TAF5: variants seen among roughly 807,000 people sequenced by gnomAD.
TAF5 encodes the protein transcription initiation factor TFIID subunit 5.
In TAF5, 20 loss-of-function variants were observed where a neutral mutation model predicts 80.9. The observed-to-expected ratio is 0.25, with a 90% CI of 0.17 to 0.36. The LOEUF is 0.36. Ranked by LOEUF, TAF5 falls within the 10% of genes least tolerant of loss-of-function variation. The pLI is 1.00. For missense variants in TAF5, 863 were observed against 1,029.4 expected (o/e 0.84, Z 2.21); for synonymous variants, 388 against 406.4 (o/e 0.95, Z 0.55).
At chr10:103,385,080 T>C (rs1017809122) in intron 7 of TAF5, among the ~76,000 whole-genome samples, 1 of 152,226 alleles carries the variant, frequency 6.6e-6, no homozygotes, top group Non-Finnish European at 1.5e-5. Flanking sequence ...TTTTGTATCA[T>C]ATTACCTCAT....
At chr10:103,371,813 C>T (rs1027827498) in intron 1 of TAF5, among the ~76,000 whole-genome samples, 13 of 152,056 alleles carry the variant, frequency 8.5e-5, no homozygotes, top group Non-Finnish European at 1.6e-4. Context: ...ATGGCTTGGT[C>T]GTGGTGGGTG....
intron 10 of TAF5, 66 bp downstream of exon 10, chr10:103,387,764 A>T (rs2093400692): frequency 6.8e-7 from 1 of 1,473,436 alleles, no homozygotes; most frequent in Non-Finnish European, 9.2e-7. Flanking sequence ...GACGACTGCA[A>T]TACTAAGTCC....
Position 103,367,978 on chromosome 10 carries a change from C to G in TAF5, c.-12C>G, listed in dbSNP as rs2093348671. On this transcript the variant is annotated 5_prime_UTR_variant, in exon 1 of 11. Transcript: ENST00000369839. The stretch of plus-strand genomic sequence containing the variant: ...AATCACGCTTGACGGCGCGAGGTGG[C>G]TCAGCCGCAAGATGGCGGCGCTGGC... 7 of 1,453,748 alleles carry G rather than the reference C, an allele frequency of 4.8e-6. No individual in the cohort carries two copies. Among genetic ancestry groups the G allele is most frequent in the Non-Finnish European group, 5.4e-6 (6 of 1,110,766 alleles). The allele number at this position is 1,453,748 out of a possible 1,614,324, so 90.1% of individuals were successfully genotyped here.
rs758002426 is a variant in TAF5, at chr10:103,370,325, C to CTT, written c.559+1796_559+1797dup. ...CTCTATTAAATGAGTGGTTATGAGG[C>CTT]TTTTTTTTTTTTTTTTTTTTGACTG... On this transcript the variant is annotated intron_variant, in intron 1 of 10. Transcript: ENST00000369839. Among the ~76,000 whole-genome samples the CTT allele has an allele frequency of 1.4e-3, 128 of 88,926 alleles. 5 individuals are homozygous for CTT. Among genetic ancestry groups the CTT allele is most frequent in the Non-Finnish European group, 1.6e-3 (74 of 45,526 alleles). The allele number at this position is 88,926 out of a possible 152,430, so 58.3% of individuals were successfully genotyped here.
intron 1 of TAF5, among the ~76,000 whole-genome samples, chr10:103,370,157 G>A (rs1176179661): frequency 6.6e-6 from 1 of 151,122 alleles, no homozygotes; most frequent in East Asian, 2.0e-4. Context: ...ACTTGACCCC[G>A]GGAGGCTGAG....
At position 103,388,623 on chromosome 10, in the gene TAF5, G is replaced by A. The variant is rs1022270671; in HGVS notation, c.*400G>A. ...GCTGAAGAATCCTATGAGCATGTAT[G>A]TTTCTGCTGTAAAAACGTAGTTACT... On this transcript the variant is annotated 3_prime_UTR_variant, in exon 11 of 11. Coordinates refer to ENST00000369839, the MANE Select transcript of TAF5 (RefSeq NM_006951.5). The A allele has an allele frequency of 6.2e-6, 1 of 161,836 alleles. No individual in the cohort carries two copies. The highest frequency in any genetic ancestry group is 2.4e-5 in the African/African-American group (1 of 41,514). The allele number at this position is 161,836 out of a possible 1,614,324, so 10.0% of individuals were successfully genotyped here.
intron 1 of TAF5, among the ~76,000 whole-genome samples, chr10:103,372,234 T>C (rs1004662953): frequency 3.3e-5 from 5 of 151,206 alleles, no homozygotes. Flanking sequence ...CGTGTTGGCC[T>C]GTTATTGTTA....
In TAF5 at chr10:103,388,338, T is replaced by A; in HGVS notation, c.*115T>A. On this transcript the variant is annotated 3_prime_UTR_variant, in exon 11 of 11. Transcript: ENST00000369839. ...GAGAATGTTTTTGTCTATATGGATC[T>A]GGAAGTATGCTGCTTGGAAAAATCT... 1 of 913,432 alleles carries A rather than the reference T, an allele frequency of 1.1e-6. No homozygotes were observed. The highest frequency in any genetic ancestry group is 1.7e-5 in the African/African-American group (1 of 59,606). 56.6% of individuals were successfully genotyped at this position (913,432 alleles called of 1,614,324 possible).
intron 3 of TAF5, among the ~76,000 whole-genome samples, chr10:103,379,250 C>T (rs907918064): frequency 6.6e-6 from 1 of 152,134 alleles, no homozygotes; most frequent in Non-Finnish European, 1.5e-5. Flanking sequence ...ATTGCAGCTC[C>T]GTTCCAAGAA....
At chr10:103,380,191 C>T (rs1320293474) in intron 5 of TAF5, among the ~76,000 whole-genome samples, 172 bp downstream of exon 5, 2 of 151,628 alleles carry the variant, frequency 1.3e-5, no homozygotes, top group East Asian at 3.9e-4. Flanking sequence ...TGCAGTGGCG[C>T]GATCTCAGCT....
chr10:103,381,047 C>G (rs1178776360), intron 5 of TAF5, among the ~76,000 whole-genome samples: 1 of 149,144 alleles, frequency 6.7e-6, no homozygotes, highest in Non-Finnish European at 1.5e-5. Context: ...CCTCCCAGTT[C>G]AAGTGATTCT....
In TAF5 at chr10:103,388,122, T is replaced by C; in HGVS notation, c.2302T>C (p.Leu768=). Residue 768 remains leucine, a synonymous_variant, in exon 11 of 11, where the codon TTA becomes CTA. Coordinates refer to ENST00000369839, the MANE Select transcript of TAF5 (RefSeq NM_006951.5). ...AAATTTACCTGAGAATTCACAGGAG[T>C]TATTGTTGGGAACATATATGACCAA... The part of the protein sequence containing the change: ...HINLPENSQE[L]LLGTYMTKST... The C allele has an allele frequency of 6.2e-7, 1 of 1,614,040 alleles. No individual in the cohort carries two copies. Among genetic ancestry groups the C allele is most frequent in the Non-Finnish European group, 8.5e-7 (1 of 1,179,958 alleles).
At chr10:103,376,597 GAA>G (rs1443306369) in intron 2 of TAF5, among the ~76,000 whole-genome samples, 4 of 149,050 alleles carry the variant, frequency 2.7e-5, no homozygotes, top group African/African-American at 9.9e-5. Context: ...AAAAAAATAA[GAA>G]AGGCTGATGA....
rs1243165160 is a variant in TAF5, at chr10:103,385,324, AG to A, written c.1665del. The A allele has an allele frequency of 6.2e-7, 1 of 1,603,926 alleles. No individual in the cohort carries two copies. The highest frequency in any genetic ancestry group is 8.5e-7 in the Non-Finnish European group (1 of 1,171,960). On this transcript the variant is annotated splice_acceptor_variant, in intron 7 of 10. Coordinates refer to ENST00000369839, the MANE Select transcript of TAF5 (RefSeq NM_006951.5). LOFTEE classifies it high-confidence loss of function. ...CAAATATATCACCTTCTCTTCTCTC[AG>A]GAACTATCTGCTTTCCTCTTCAGAG...
rs143378153 is a variant in TAF5, at chr10:103,378,771, C to T, written c.1113+221C>T. Among the ~76,000 whole-genome samples the T allele has an allele frequency of 4.3e-3, 649 of 152,216 alleles. 6 individuals are homozygous for T. The highest frequency in any genetic ancestry group is 0.015 in the African/African-American group (631 of 41,534). On this transcript the variant is annotated intron_variant, in intron 3 of 10. Coordinates refer to ENST00000369839, the MANE Select transcript of TAF5 (RefSeq NM_006951.5). This position sits in a 1 kb window ranked among gnomAD's most constrained non-coding sequence, Gnocchi z 4.1. ...CTCCTGGGTTCAAGTGATTCTCCTG[C>T]CTCAGCTTCCCGAGTAGCTGGGATT...
At chr10:103,379,147 A>G (rs1592093229) in intron 3 of TAF5, among the ~76,000 whole-genome samples, 1 of 152,334 alleles carries the variant, frequency 6.6e-6, no homozygotes, top group East Asian at 1.9e-4. Flanking sequence ...CCACAGTGCC[A>G]TCAAGGTCCC....
chr10:103,379,488 C>T, intron 3 of TAF5, 120 bp from the exon 4 acceptor site: 1 of 938,704 alleles, frequency 1.1e-6, no homozygotes, highest in East Asian at 2.7e-5. Context: ...TAGACAAATA[C>T]AGAACCCTGC....
intron 2 of TAF5, among the ~76,000 whole-genome samples, chr10:103,376,077 G>A (rs972682857): frequency 5.3e-5 from 8 of 149,986 alleles, no homozygotes; most frequent in Non-Finnish European, 7.4e-5. Flanking sequence ...AAAGGAGGCC[G>A]TGCTTAGCAG....
rs1387250962 is a variant in TAF5, at chr10:103,368,257, G to C, written c.268G>C (p.Ala90Pro). ...GCCCGCCGCTGCTCCGGACGCCGGC[G>C]CTCCGCATGACCGACAGACTCTACT... is the stretch of plus-strand genomic sequence containing the variant. ...PVPAAAPDAG[A>P]PHDRQTLLAV... The change falls in exon 1 of 11, where the codon GCT becomes CCT. Residue 90 changes from alanine to proline, a missense_variant. Physicochemically the swap from Ala to Pro is conservative, Grantham distance 27. This residue lies in a region of TAF5 where 367 missense variants were observed against 335.5 expected (regional missense o/e 1.09). Transcript: ENST00000369839. 6.6e-7 allele frequency: 1 copy of C among 1,518,436 alleles called. No individual in the cohort carries two copies. Among genetic ancestry groups the C allele is most frequent in the Non-Finnish European group, 8.8e-7 (1 of 1,139,628 alleles). The allele number at this position is 1,518,436 out of a possible 1,614,324, so 94.1% of individuals were successfully genotyped here. A position where few individuals can be genotyped will look rare whatever the true frequency, so the allele number is the denominator to read the frequency against.
Sources: allele counts gnomAD v4.1 joint callset (sites outside exome capture counted in the v4.1 genomes callset), GRCh38; gene constraint gnomAD v4.1.1; regional missense constraint gnomAD v4.1.1; non-coding constraint Gnocchi (gnomAD v3.1); transcripts MANE v1.5; gene names NCBI Gene and HGNC (gene_info 2026-07-23, HGNC 2026-07-21).